The following KCNMA1 variants were observed in gnomAD, a reference collection of about 807,000 sequenced individuals.
KCNMA1 encodes the protein Calcium-activated potassium channel subunit alpha-1.
A neutral mutation model predicts 140.0 loss-of-function variants in KCNMA1; 29 were observed. That is an observed-to-expected ratio of 0.21 (90% CI 0.15 to 0.28). The LOEUF is 0.28. Ranked by LOEUF, KCNMA1 falls within the 10% of genes least tolerant of loss-of-function variation. The pLI, the probability that KCNMA1 is intolerant of heterozygous loss-of-function variation, is 1.00. For missense variants in KCNMA1, 880 were observed against 1,602.2 expected (o/e 0.55, Z 7.70); for synonymous variants, 612 against 611.9 (o/e 1.00, Z 0.00).
chr10:77,549,285 C>G (rs551835224), intron 1 of KCNMA1, among the ~76,000 whole-genome samples: 167 of 152,296 alleles, frequency 1.1e-3, no homozygotes, highest in African/African-American at 3.9e-3. Flanking sequence ...GTTGAATTTA[C>G]TATATTAAAT....
intron 2 of KCNMA1, among the ~76,000 whole-genome samples, chr10:77,319,510 C>T (rs1046052599): frequency 5.9e-5 from 9 of 152,310 alleles, no homozygotes; most frequent in African/African-American, 1.7e-4. Flanking sequence ...GTCCTTCACT[C>T]GCCCTCCAAA....
chr10:77,445,664 C>A (rs1443120653), intron 1 of KCNMA1, among the ~76,000 whole-genome samples: 1 of 152,152 alleles, frequency 6.6e-6, no homozygotes, highest in Non-Finnish European at 1.5e-5. Flanking sequence ...CAGGTACAAG[C>A]TAGCACAATT....
At chr10:76,920,038 A>G (rs1259256824) in intron 23 of KCNMA1, among the ~76,000 whole-genome samples, 2 of 117,184 alleles carry the variant, frequency 1.7e-5, no homozygotes, top group South Asian at 2.8e-4. Context: ...ATATATATAT[A>G]TATATATATA....
intron 2 of KCNMA1, among the ~76,000 whole-genome samples, chr10:77,320,003 C>A (rs1320172541): frequency 6.6e-6 from 1 of 152,238 alleles, no homozygotes; most frequent in African/African-American, 2.4e-5. Context: ...CTGCTTTGCT[C>A]TGACCTACAG....
intron 14 of KCNMA1, among the ~76,000 whole-genome samples, chr10:77,060,169 T>A (rs968927888): frequency 6.6e-6 from 1 of 150,728 alleles, no homozygotes; most frequent in Admixed American, 6.6e-5. Context: ...ACAATTCCAA[T>A]CAAAACACAG....
chr10:76,956,728 T>A (rs2068471570), intron 20 of KCNMA1, among the ~76,000 whole-genome samples: 1 of 152,142 alleles, frequency 6.6e-6, no homozygotes, highest in Admixed American at 6.5e-5. Flanking sequence ...CAGTACCTTG[T>A]GGCAAGTGTT....
chr10:77,189,673 A>G (rs2098922342), intron 3 of KCNMA1, among the ~76,000 whole-genome samples: 1 of 152,130 alleles, frequency 6.6e-6, no homozygotes, highest in South Asian at 2.1e-4. Flanking sequence ...TCATTTTGTG[A>G]AATAATTTCC....
chr10:77,003,341 T>C (rs1393452506), intron 18 of KCNMA1, among the ~76,000 whole-genome samples: 1 of 152,180 alleles, frequency 6.6e-6, no homozygotes, highest in African/African-American at 2.4e-5. Flanking sequence ...AGTTCCACTA[T>C]AGCATTTGAA....
intron 1 of KCNMA1, among the ~76,000 whole-genome samples, chr10:77,594,519 C>T (rs1171791763): frequency 2.0e-5 from 3 of 152,172 alleles, no homozygotes; most frequent in East Asian, 1.9e-4. Flanking sequence ...CCCTTGCCCA[C>T]GACACTTATC....
intron 11 of KCNMA1, among the ~76,000 whole-genome samples, chr10:77,085,570 A>G (rs780335619): frequency 7.2e-5 from 11 of 152,184 alleles, no homozygotes; most frequent in Non-Finnish European, 1.5e-4. Flanking sequence ...TCAGGTCTGC[A>G]ATCTGTCCTA....
chr10:77,623,693 AC>A (rs975037622), intron 1 of KCNMA1, among the ~76,000 whole-genome samples: 2 of 150,902 alleles, frequency 1.3e-5, no homozygotes, highest in African/African-American at 4.9e-5. Flanking sequence ...ACAGACCAAG[AC>A]TCCGTCTCAA....
At chr10:77,603,198 C>T (rs561327948) in intron 1 of KCNMA1, among the ~76,000 whole-genome samples, 2 of 152,296 alleles carry the variant, frequency 1.3e-5, no homozygotes, top group East Asian at 1.9e-4. Context: ...CTCAGGGCTC[C>T]TTGTACCACT....
chr10:76,911,229 G>A (rs1443877165), intron 24 of KCNMA1: 1 of 151,440 alleles, frequency 6.6e-6, no homozygotes, highest in Non-Finnish European at 1.5e-5. Context: ...TTTGTTTACT[G>A]TATGAAGCAG....
chr10:77,124,805 A>G (rs1161473200), intron 5 of KCNMA1, among the ~76,000 whole-genome samples: 1 of 152,204 alleles, frequency 6.6e-6, no homozygotes, highest in Non-Finnish European at 1.5e-5. Flanking sequence ...ATCATTCACA[A>G]TAGCTTCCGT....
chr10:77,178,243 T>G (rs1454889486), intron 5 of KCNMA1, among the ~76,000 whole-genome samples: 2 of 152,140 alleles, frequency 1.3e-5, no homozygotes, highest in Non-Finnish European at 2.9e-5. Context: ...GGGGATGGTG[T>G]TGGAAATCAC....
intron 1 of KCNMA1, among the ~76,000 whole-genome samples, chr10:77,475,152 A>AGGAG (rs1238648189): frequency 6.6e-6 from 1 of 152,206 alleles, no homozygotes; most frequent in Non-Finnish European, 1.5e-5. Context: ...ATGAGATAAT[A>AGGAG]GGAGTGCACG....
intron 2 of KCNMA1, among the ~76,000 whole-genome samples, chr10:77,310,408 A>C (rs2078975007): frequency 6.6e-6 from 1 of 152,138 alleles, no homozygotes; most frequent in African/African-American, 2.4e-5. Context: ...GCCACACCAC[A>C]CATCTAACAA....
chr10:77,522,811 C>T (rs2053947855), intron 1 of KCNMA1, among the ~76,000 whole-genome samples: 1 of 152,206 alleles, frequency 6.6e-6, no homozygotes, highest in Non-Finnish European at 1.5e-5. Context: ...TTTGAACATA[C>T]AGAACTGCTA....
At chr10:77,080,818 GACA>G (rs1026899570) in intron 12 of KCNMA1, among the ~76,000 whole-genome samples, 1 of 152,144 alleles carries the variant, frequency 6.6e-6, no homozygotes, top group Non-Finnish European at 1.5e-5. Flanking sequence ...AACAACTTGA[GACA>G]ACAATGACAA....
Sources: allele counts gnomAD v4.1 joint callset (sites outside exome capture counted in the v4.1 genomes callset), GRCh38; gene constraint gnomAD v4.1.1; transcripts MANE v1.5; gene names NCBI Gene and HGNC (gene_info 2026-07-23, HGNC 2026-07-21).